Variants in SRCAP observed in about 807,000 individuals in gnomAD.
The protein encoded by SRCAP is Snf2 related CREBBP activator protein.
In SRCAP, 46 loss-of-function variants were observed where a neutral mutation model predicts 263.1. The ratio of observed to expected loss-of-function variants is 0.17; its 90% CI spans 0.14 to 0.22. SRCAP has a LOEUF of 0.22. SRCAP is among the 10% of genes least tolerant of loss of function. The pLI is 1.00. For missense variants in SRCAP, 3,695 were observed against 4,181.9 expected (o/e 0.88, Z 3.21); for synonymous variants, 1,813 against 1,662.1 (o/e 1.09, Z -2.21).
At chr16:30,727,588 CTG>C (rs1422734771) in intron 25 of SRCAP, among the ~76,000 whole-genome samples, 6 of 152,124 alleles carry the variant, frequency 3.9e-5, no homozygotes. Flanking sequence ...GAGACTCACT[CTG>C]TCACCAGGCT....
intron 27 of SRCAP, among the ~76,000 whole-genome samples, chr16:30,732,030 A>G (rs1217655359): frequency 6.6e-6 from 1 of 151,712 alleles, no homozygotes; most frequent in Non-Finnish European, 1.5e-5. Flanking sequence ...CTGTAGTCCA[A>G]ACTACTTGGG....
intron 18 of SRCAP, among the ~76,000 whole-genome samples, chr16:30,719,643 A>G (rs2052990228): frequency 6.6e-6 from 1 of 152,022 alleles, no homozygotes; most frequent in South Asian, 2.1e-4. Flanking sequence ...CCTCCTGAGT[A>G]GCTGGGACTA....
intron 3 of SRCAP, among the ~76,000 whole-genome samples, chr16:30,703,381 A>G (rs2052790555): frequency 1.3e-5 from 2 of 150,448 alleles, no homozygotes; most frequent in South Asian, 4.2e-4. Context: ...TTCAGTAGAG[A>G]CGGGGTTTCA....
At chr16:30,730,503 C>T (rs926439022) in intron 27 of SRCAP, among the ~76,000 whole-genome samples, 2 of 152,234 alleles carry the variant, frequency 1.3e-5, no homozygotes, top group African/African-American at 4.8e-5. Flanking sequence ...TCGATCTCGG[C>T]TCACTGCAAC....
chr16:30,707,848 TA>T (rs2151286496), intron 6 of SRCAP, 136 bp downstream of exon 6: 1 of 1,181,418 alleles, frequency 8.5e-7, no homozygotes, highest in Non-Finnish European at 1.2e-6. Flanking sequence ...GTTGTATGGA[TA>T]AAAAAGTATA....
At position 30,739,693 on chromosome 16, in the gene SRCAP, G is replaced by C; in HGVS notation, c.9653G>C (p.Gly3218Ala). 5 of 1,526,994 alleles carry C rather than the reference G, an allele frequency of 3.3e-6. No homozygotes were observed. Among genetic ancestry groups the C allele is most frequent in the Non-Finnish European group, 4.4e-6 (5 of 1,138,842 alleles). The allele number at this position is 1,526,994 out of a possible 1,614,324, so 94.6% of individuals were successfully genotyped here. The change falls in exon 34 of 34, where the codon GGC becomes GCC. Residue 3218 changes from glycine to alanine, a missense_variant. Coordinates refer to ENST00000262518, the MANE Select transcript of SRCAP (RefSeq NM_006662.3). ...LRSSAPPSLA[G>A]PAVSHRGRKA... ...AGCAGCGCCCCTCCCTCCCTGGCTG[G>C]CCCTGCTGTTAGTCACAGAGGCCGC...
rs1246344132 is a variant in SRCAP, at chr16:30,735,223, T to C, written c.6729+608T>C. 2.8e-5 allele frequency among the ~76,000 whole-genome samples: 4 copies of C among 141,218 alleles called. No individual in the cohort carries two copies. In the East Asian group the frequency reaches 6.2e-4, roughly 22 times the overall value. 92.6% of individuals were successfully genotyped at this position (141,218 alleles called of 152,430 possible). ...GTGCAGTGGCGGGATCTCGGCTCAC[T>C]GCAAGCTCCGCCTCCCGGGTTCACG... On this transcript the variant is annotated intron_variant, in intron 31 of 33. Transcript: ENST00000262518.
intron 4 of SRCAP, among the ~76,000 whole-genome samples, chr16:30,706,765 G>T (rs752652456): frequency 1.3e-5 from 2 of 152,114 alleles, no homozygotes; most frequent in Non-Finnish European, 2.9e-5. Flanking sequence ...ATGACCCCTT[G>T]TATCTAGAAT....
chr16:30,708,437 G>A lies in SRCAP; in HGVS notation c.633+725G>A, dbSNP rs187286813. Among the ~76,000 whole-genome samples, 5 of 151,860 alleles carry A rather than the reference G, an allele frequency of 3.3e-5. No individual in the cohort carries two copies. In the East Asian group the frequency reaches 9.7e-4, roughly 29 times the overall value. ...TTTTTGTGAAACAGAGTCTCACCCC[G>A]TCACCTAGGGCAGTGGCGCAATCTT... On this transcript the variant is annotated intron_variant, in intron 6 of 33. Transcript: ENST00000262518.
chr16:30,704,426 A>G, intron 4 of SRCAP, 111 bp downstream of exon 4: 1 of 1,361,100 alleles, frequency 7.3e-7, no homozygotes, highest in Non-Finnish European at 1.0e-6. Flanking sequence ...TTTAGGGTAT[A>G]GGTTCTGCCT....
At position 30,737,654 on chromosome 16, in the gene SRCAP, C is replaced by T. The variant is rs750451682; in HGVS notation, c.7614C>T (p.Ala2538=). 2 of 1,614,106 alleles carry T rather than the reference C, an allele frequency of 1.2e-6. No individual in the cohort carries two copies. Among genetic ancestry groups the T allele is most frequent in the Non-Finnish European group, 1.7e-6 (2 of 1,180,024 alleles). ...LLGPPSVPIS[A]SVTNLPLGLR... is the part of the protein sequence containing the mutation. ...GTCCACCTTCTGTGCCCATCTCTGC[C>T]TCAGTCACTAATCTCCCCTTGGGCT... The change falls in exon 34 of 34, where the codon GCC becomes GCT. Residue 2538 remains alanine, a synonymous_variant. Coordinates refer to ENST00000262518, the MANE Select transcript of SRCAP (RefSeq NM_006662.3).
rs753224797 is a variant in SRCAP at position 30,716,483 on chromosome 16, A to G, written c.2817+4A>G. ...CACGGATGTCCATCCCCTCCAGGTA[A>G]GTATGATTCCATTAATATGAAATGT... On this transcript the variant is annotated splice_donor_region_variant and intron_variant, in intron 18 of 33. Coordinates refer to ENST00000262518, the MANE Select transcript of SRCAP (RefSeq NM_006662.3). The G allele has an allele frequency of 6.2e-7, 1 of 1,602,354 alleles. No individual in the cohort carries two copies. Among genetic ancestry groups the G allele is most frequent in the South Asian group, 1.1e-5 (1 of 89,900 alleles).
Position 30,724,814 on chromosome 16 carries a change from C to T in SRCAP, c.5390C>T (p.Thr1797Ile), listed in dbSNP as rs373922349. The change falls in exon 25 of 34, where the codon ACC (threonine) becomes ATC (isoleucine). Residue 1797 changes from threonine (T) to isoleucine (I), a missense_variant. Thr to Ile is a moderately conservative substitution (Grantham distance 89). Transcript: ENST00000262518. ...TLTLSPAPVPTLGPAAAQTLA... is the reference protein window; with the variant it reads ...TLTLSPAPVPILGPAAAQTLA... ...ACCTTGAGCCCTGCCCCAGTTCCTA[C>T]CCTGGGCCCGGCCGCAGCTCAGACC... 2.2e-5 allele frequency: 36 copies of T among 1,613,726 alleles called. No homozygotes were observed. The African/African-American group carries it at 4.4e-4, about 20-fold the overall frequency.
At chr16:30,716,542 C>T in intron 18 of SRCAP, 63 bp downstream of exon 18, 1 of 1,476,384 alleles carries the variant, frequency 6.8e-7, no homozygotes, top group Non-Finnish European at 9.2e-7. Context: ...CCATGTACCT[C>T]TTTTCGTTAG....
intron 31 of SRCAP, among the ~76,000 whole-genome samples, chr16:30,735,272 A>G (rs2053149803): frequency 2.7e-5 from 4 of 145,798 alleles, no homozygotes; most frequent in South Asian, 4.3e-4. Context: ...TCAGCCTCCC[A>G]AGTAGCTGGG....
Position 30,722,948 on chromosome 16 carries a change from A to G in SRCAP, c.3893-15A>G. On this transcript the variant is annotated splice_polypyrimidine_tract_variant and intron_variant, in intron 23 of 33. Coordinates refer to ENST00000262518, the MANE Select transcript of SRCAP (RefSeq NM_006662.3). ...TTCTTTTCTACCTTCCTCTCAGTGT[A>G]GCTTCCTCTTGCAGTGCCACCAACC... The G allele has an allele frequency of 6.3e-7, 1 of 1,599,470 alleles. No homozygotes were observed. Among genetic ancestry groups the G allele is most frequent in the East Asian group, 2.2e-5 (1 of 44,540 alleles).
chr16:30,701,710 A>G (rs1433248605), intron 3 of SRCAP, among the ~76,000 whole-genome samples: 1 of 148,312 alleles, frequency 6.7e-6, no homozygotes. Flanking sequence ...GCTCACTGCA[A>G]CCTCCGCCTC....
intron 22 of SRCAP, 35 bp downstream of exon 22, chr16:30,722,321 C>T (rs769137117): frequency 1.3e-6 from 2 of 1,595,938 alleles, no homozygotes; most frequent in Non-Finnish European, 1.7e-6. Context: ...TGCCTTTTTC[C>T]TCCTCTTCCC....
At position 30,737,900 on chromosome 16, in the gene SRCAP, A is replaced by C; in HGVS notation, c.7860A>C (p.Gln2620His). 1 of 1,614,216 alleles carries C rather than the reference A, an allele frequency of 6.2e-7. No homozygotes were observed. Among genetic ancestry groups the C allele is most frequent in the Non-Finnish European group, 8.5e-7 (1 of 1,180,034 alleles). ...TLEAGSIPNGQEQEAPDSAEG... is the reference protein window; with the variant it reads ...TLEAGSIPNGHEQEAPDSAEG... Reference sequence around the variant, plus strand: ...AGGCTGGCAGCATCCCCAATGGTCAAGAGCAGGAGGCACCAGATTCTGCTG... The same window carrying C: ...AGGCTGGCAGCATCCCCAATGGTCACGAGCAGGAGGCACCAGATTCTGCTG... The change falls in exon 34 of 34, where the codon CAA becomes CAC. Residue 2620 changes from glutamine to histidine, a missense_variant. Physicochemically the swap from Gln to His is conservative, Grantham distance 24 (BLOSUM62 0). This residue lies in a region of SRCAP where 1,207 missense variants were observed against 1,142.9 expected (regional missense o/e 1.06). Transcript: ENST00000262518.
Sources: gnomAD v4.1 joint callset for allele counts (sites outside exome capture counted in the v4.1 genomes callset) on GRCh38, gnomAD v4.1.1 for gene constraint, gnomAD v4.1.1 regional missense constraint, MANE v1.5 for transcripts, NCBI Gene and HGNC (gene_info 2026-07-23, HGNC 2026-07-21) for gene names.